The following SLC4A7 variants were observed in gnomAD, a reference collection of about 807,000 sequenced individuals.
SLC4A7 encodes the protein solute carrier family 4 member 7.
Under a neutral mutation model 137.6 loss-of-function variants are expected in SLC4A7, and 51 were observed. The ratio of observed to expected loss-of-function variants is 0.37; its 90% CI spans 0.30 to 0.47. SLC4A7 has a LOEUF of 0.47. Among genes scored for constraint, SLC4A7 ranks in the 20% least tolerant of loss-of-function variants. The pLI, the probability that SLC4A7 is intolerant of heterozygous loss-of-function variation, is 1.00. For synonymous variants in SLC4A7, 542 were observed against 518.6 expected, an observed-to-expected ratio of 1.05 and a Z score of -0.61; for missense variants, 1,247 against 1,525.4, an observed-to-expected ratio of 0.82 and a Z score of 3.04.
intron 1 of SLC4A7, among the ~76,000 whole-genome samples, chr3:27,455,017 A>AG (rs2058316176): frequency 6.7e-6 from 1 of 150,372 alleles, no homozygotes; most frequent in South Asian, 2.1e-4. Context: ...TGTTAAAAAA[A>AG]AAAAAAGAGC....
At chr3:27,387,478 C>G (rs73149783) in intron 22 of SLC4A7, among the ~76,000 whole-genome samples, 2 of 152,124 alleles carry the variant, frequency 1.3e-5, no homozygotes, top group Admixed American at 6.5e-5. Flanking sequence ...CACCACCCCC[C>G]ACCCCAACAC....
chr3:27,400,923 T>C, intron 15 of SLC4A7, 54 bp from the exon 16 acceptor site: 1 of 977,630 alleles, frequency 1.0e-6, no homozygotes, highest in Non-Finnish European at 1.6e-6. Context: ...CATGCTTACA[T>C]TTTACTAAAT....
rs1224841550 is a variant in SLC4A7, at chr3:27,374,404, T to TA, written c.*2359dup. On this transcript the variant is annotated 3_prime_UTR_variant, in exon 26 of 26. Coordinates refer to ENST00000454389, the MANE Select transcript of SLC4A7 (RefSeq NM_001321103.2). ...TACACTTATTTAAGGCAACTTTATT[T>TA]AAAAATCAATATATGTAGTAAATTA... The TA allele has an allele frequency of 6.6e-6, 1 of 152,536 alleles. No individual in the cohort carries two copies. The highest frequency in any genetic ancestry group is 1.5e-5 in the Non-Finnish European group (1 of 67,942). The allele number at this position is 152,536 out of a possible 1,614,324, so 9.4% of individuals were successfully genotyped here.
intron 8 of SLC4A7, among the ~76,000 whole-genome samples, chr3:27,423,090 A>G (rs2055165522): frequency 6.6e-6 from 1 of 152,218 alleles, no homozygotes; most frequent in Non-Finnish European, 1.5e-5. Context: ...AAAATACAAC[A>G]GCCTTTCTGC....
intron 6 of SLC4A7, among the ~76,000 whole-genome samples, chr3:27,433,646 G>T (rs1236432832): frequency 1.3e-5 from 2 of 151,292 alleles, no homozygotes; most frequent in Non-Finnish European, 2.9e-5. Flanking sequence ...GTATGTTCAG[G>T]AGAAAAAAAA....
intron 1 of SLC4A7, 92 bp downstream of exon 1, chr3:27,483,975 C>G (rs1443402056): frequency 3.0e-5 from 31 of 1,038,538 alleles, no homozygotes; most frequent in Non-Finnish European, 3.8e-5. Context: ...ACGAGGTGGC[C>G]GAGCCGCGAC....
rs200768562 is a variant in SLC4A7, at chr3:27,376,787, C to T, written c.3757G>A (p.Val1253Met). The change falls in exon 26 of 26, where the codon GTG (valine) becomes ATG (methionine). Residue 1253 changes from valine to methionine, a missense_variant. Physicochemically the swap from Val to Met is conservative, Grantham distance 21. This residue lies in a region of SLC4A7 where 290 missense variants were observed against 323.8 expected (regional missense o/e 0.90). Transcript: ENST00000454389. The stretch of plus-strand genomic sequence containing the variant: ...TTCTATAATGAAGTTTCAGCATCCA[C>T]GTATTTCTTTCTTGGTTCATCTTCA... ...SFEDEPRKKY[V>M]DAETSL 3.6e-5 allele frequency: 58 copies of T among 1,597,324 alleles called. No individual in the cohort carries two copies. The Middle Eastern group carries it at 2.0e-3, about 55-fold the overall frequency.
intron 24 of SLC4A7, among the ~76,000 whole-genome samples, chr3:27,382,752 T>C (rs2050554331): frequency 6.6e-6 from 1 of 152,154 alleles, no homozygotes; most frequent in Non-Finnish European, 1.5e-5. Flanking sequence ...TGACAAAGAT[T>C]ACTGAAAACG....
intron 15 of SLC4A7, among the ~76,000 whole-genome samples, chr3:27,402,545 C>CA (rs2052876353): frequency 6.6e-6 from 1 of 151,970 alleles, no homozygotes. Flanking sequence ...ACTAAAAATA[C>CA]AAAAATTAGC....
At chr3:27,464,371 A>G (rs1054613688) in intron 1 of SLC4A7, among the ~76,000 whole-genome samples, 9 of 152,206 alleles carry the variant, frequency 5.9e-5, no homozygotes, top group African/African-American at 2.2e-4. Context: ...ATAACTGATA[A>G]TTCATTAAGG....
chr3:27,378,359 A>G (rs1302331994), intron 25 of SLC4A7, among the ~76,000 whole-genome samples: 3 of 152,186 alleles, frequency 2.0e-5, no homozygotes, highest in Admixed American at 1.3e-4. Context: ...CTGATGCCCA[A>G]GCAGAATATA....
rs759543180 is a variant in SLC4A7, at chr3:27,434,052, T to C, written c.642A>G (p.Arg214=). ...TCAGAAGAGCTTCTCTGACATTCTC[T>C]CGTATGGACTCGTCTAATTGGCCAG... ...IASGQLDESI[R]ENVREALLKR... Residue 214 remains arginine (R), a synonymous_variant, in exon 6 of 26, where the codon CGA becomes CGG. Transcript: ENST00000454389. 19 of 1,613,740 alleles carry C rather than the reference T, an allele frequency of 1.2e-5. No homozygotes were observed. In the South Asian group the frequency reaches 1.9e-4, roughly 16 times the overall value.
chr3:27,402,178 G>A (rs879771631), intron 15 of SLC4A7, among the ~76,000 whole-genome samples: 2 of 152,116 alleles, frequency 1.3e-5, no homozygotes, highest in African/African-American at 2.4e-5. Flanking sequence ...CCATATTTAC[G>A]CCAAGCGTGA....
chr3:27,482,041 A>G (rs780822080), intron 1 of SLC4A7, among the ~76,000 whole-genome samples: 4 of 152,070 alleles, frequency 2.6e-5, no homozygotes, highest in Non-Finnish European at 5.9e-5. Flanking sequence ...GCTGAGGCCG[A>G]AGAATCACTT....
rs1300562503 is a variant in SLC4A7 at position 27,375,618 on chromosome 3, TAAATG to T, written c.*1141_*1145del. ...ATCAATTGCTTTAAGATAATAAACA[TAAATG>T]AAAGTAAGCACCAACTATTTACATT... On this transcript the variant is annotated 3_prime_UTR_variant, in exon 26 of 26. Transcript: ENST00000454389. 6.6e-6 allele frequency: 1 copy of T among 152,388 alleles called. No homozygotes were observed. Among genetic ancestry groups the T allele is most frequent in the Non-Finnish European group, 1.5e-5 (1 of 67,874 alleles). The allele number at this position is 152,388 out of a possible 1,614,324, so 9.4% of individuals were successfully genotyped here. A position where few individuals can be genotyped will look rare whatever the true frequency, so the allele number is the denominator to read the frequency against.
chr3:27,445,720 C>T (rs2057537256), intron 3 of SLC4A7, among the ~76,000 whole-genome samples: 1 of 143,816 alleles, frequency 7.0e-6, no homozygotes, highest in African/African-American at 2.6e-5. Context: ...GAGTTCGAGA[C>T]CAGCCTGGCC....
intron 22 of SLC4A7, among the ~76,000 whole-genome samples, chr3:27,386,734 T>C (rs1183783178): frequency 2.0e-5 from 3 of 152,188 alleles, no homozygotes; most frequent in African/African-American, 2.4e-5. Flanking sequence ...ACGTCAAATA[T>C]AGCATATCTT....
chr3:27,449,206 G>T (rs528403323), intron 2 of SLC4A7, among the ~76,000 whole-genome samples: 11 of 151,866 alleles, frequency 7.2e-5, no homozygotes, highest in African/African-American at 2.4e-4. Flanking sequence ...GGCCTAAAAA[G>T]ATATCTTAAG....
intron 10 of SLC4A7, 62 bp from the exon 11 acceptor site, chr3:27,418,694 A>G: frequency 1.0e-6 from 1 of 969,282 alleles, no homozygotes; most frequent in Non-Finnish European, 1.6e-6. Context: ...ACACATAGTA[A>G]ATCCACTCTG....
Sources: gnomAD v4.1 joint callset for allele counts (sites outside exome capture counted in the v4.1 genomes callset) on GRCh38, gnomAD v4.1.1 for gene constraint, gnomAD v4.1.1 regional missense constraint, MANE v1.5 for transcripts, NCBI Gene and HGNC (gene_info 2026-07-23, HGNC 2026-07-21) for gene names.